Variants in ERBB4 observed in about 807,000 individuals in gnomAD.
The protein encoded by ERBB4 is erb-b2 receptor tyrosine kinase 4.
A neutral mutation model predicts 158.0 loss-of-function variants in ERBB4; 42 were observed. The observed-to-expected ratio is 0.27, with a 90% CI of 0.21 to 0.34. The LOEUF (loss-of-function observed/expected upper bound fraction) is 0.34. Among genes scored for constraint, ERBB4 ranks in the 10% least tolerant of loss-of-function variants. The pLI is 1.00. For missense variants in ERBB4, 1,333 were observed against 1,624.1 expected (o/e 0.82, Z 3.08); for synonymous variants, 583 against 558.7 (o/e 1.04, Z -0.61).
At chr2:212,383,505 T>C (rs2090578847) in intron 1 of ERBB4, among the ~76,000 whole-genome samples, 1 of 151,648 alleles carries the variant, frequency 6.6e-6, no homozygotes, top group Non-Finnish European at 1.5e-5. Context: ...GTAAATCTTT[T>C]AAACAATTAT....
At position 211,850,375 on chromosome 2, in the gene ERBB4, T is replaced by C. The variant is rs1048870529; in HGVS notation, c.422-62216A>G. 2.6e-5 allele frequency among the ~76,000 whole-genome samples: 4 copies of C among 151,872 alleles called. No homozygotes were observed. The South Asian group carries it at 8.3e-4, about 31-fold the overall frequency. On this transcript the variant is annotated intron_variant, in intron 3 of 27. Transcript: ENST00000342788. ...ACATATTCAACATATATGTAGTGTATATATATGTTGAATAATTTTTCAACT... is the reference window on the plus strand; with the variant it reads ...ACATATTCAACATATATGTAGTGTACATATATGTTGAATAATTTTTCAACT...
intron 3 of ERBB4, among the ~76,000 whole-genome samples, chr2:211,821,271 A>C (rs1054536074): frequency 1.5e-4 from 23 of 151,862 alleles, no homozygotes; most frequent in Admixed American, 2.0e-4. Flanking sequence ...TACAATAGCT[A>C]CTAGAAAAAT....
At chr2:212,441,990 G>C (rs773779456) in intron 1 of ERBB4, among the ~76,000 whole-genome samples, 1 of 152,170 alleles carries the variant, frequency 6.6e-6, no homozygotes, top group Non-Finnish European at 1.5e-5. Flanking sequence ...TCAGATCTAA[G>C]AGTGGGAACC....
chr2:211,442,341 T>C (rs566001226), intron 20 of ERBB4, among the ~76,000 whole-genome samples: 1 of 152,204 alleles, frequency 6.6e-6, no homozygotes, highest in South Asian at 2.1e-4. Context: ...ATTGGGTCAC[T>C]CTACAACATA....
intron 22 of ERBB4, among the ~76,000 whole-genome samples, chr2:211,425,686 T>C (rs961933404): frequency 2.6e-5 from 4 of 152,032 alleles, no homozygotes; most frequent in African/African-American, 9.7e-5. Flanking sequence ...TTTAGAATTA[T>C]CTATTTTGTA....
intron 25 of ERBB4, among the ~76,000 whole-genome samples, chr2:211,411,492 A>G (rs1338983608): frequency 6.6e-6 from 1 of 152,220 alleles, no homozygotes; most frequent in African/African-American, 2.4e-5. Flanking sequence ...AATCTATAAT[A>G]CATAAGGAGA....
intron 1 of ERBB4, among the ~76,000 whole-genome samples, chr2:212,307,457 T>C (rs2086852403): frequency 6.6e-6 from 1 of 151,240 alleles, no homozygotes; most frequent in Admixed American, 6.6e-5. Flanking sequence ...TATTCAATAC[T>C]AGTTATAAAA....
At position 212,221,454 on chromosome 2, in the gene ERBB4, T is replaced by C. The variant is rs1027866726; in HGVS notation, c.83-96551A>G. Among the ~76,000 whole-genome samples the C allele has an allele frequency of 7.3e-5, 11 of 151,610 alleles. 1 individual carries two copies. The highest frequency in any genetic ancestry group is 7.2e-4 in the Admixed American group (11 of 15,174). ...TAAGGTATAGGTATCAGTCACCTAA[T>C]GGTATGGCAGCAGTCAGGTTTGGGA... On this transcript the variant is annotated intron_variant, in intron 1 of 27. Transcript: ENST00000342788.
chr2:211,951,320 T>C (rs2080869377), intron 2 of ERBB4, among the ~76,000 whole-genome samples: 1 of 152,126 alleles, frequency 6.6e-6, no homozygotes, highest in South Asian at 2.1e-4. Flanking sequence ...TTAATAGTAA[T>C]TTTTCAGTGT....
At chr2:212,080,963 G>A (rs2078425138) in intron 2 of ERBB4, among the ~76,000 whole-genome samples, 3 of 152,082 alleles carry the variant, frequency 2.0e-5, no homozygotes, top group African/African-American at 4.8e-5. Context: ...AATATTATTT[G>A]GAACATTCTT....
At chr2:212,057,773 T>A (rs2077627256) in intron 2 of ERBB4, among the ~76,000 whole-genome samples, 1 of 152,130 alleles carries the variant, frequency 6.6e-6, no homozygotes, top group African/African-American at 2.4e-5. Context: ...TGGGACACAT[T>A]CAAAGCAGTG....
At chr2:212,313,148 C>A (rs1251941193) in intron 1 of ERBB4, among the ~76,000 whole-genome samples, 1 of 150,616 alleles carries the variant, frequency 6.6e-6, no homozygotes, top group Non-Finnish European at 1.5e-5. Flanking sequence ...ATGTTATATA[C>A]CAAAGTGTTC....
rs574395837 is a variant in ERBB4 at position 212,292,494 on chromosome 2, T to TA, written c.83-167592dup. Among the ~76,000 whole-genome samples the TA allele has an allele frequency of 7.4e-4, 113 of 151,968 alleles. 1 individual carries two copies. Among genetic ancestry groups the TA allele is most frequent in the Non-Finnish European group, 1.3e-3 (91 of 67,912 alleles). The stretch of plus-strand genomic sequence containing the variant: ...GTACCTTTAGTGATATAATTATAGA[T>TA]AAAAAATAGTAATGACATAATCAAG... On this transcript the variant is annotated intron_variant, in intron 1 of 27. Transcript: ENST00000342788.
chr2:211,960,385 A>T (rs528142384), intron 2 of ERBB4, among the ~76,000 whole-genome samples: 1 of 152,266 alleles, frequency 6.6e-6, no homozygotes, highest in Admixed American at 6.6e-5. Context: ...CGAGTTCATA[A>T]TAATATTCAA....
At chr2:211,718,117 G>A (rs1004307097) in intron 7 of ERBB4, among the ~76,000 whole-genome samples, 3 of 152,020 alleles carry the variant, frequency 2.0e-5, no homozygotes, top group African/African-American at 7.2e-5. Flanking sequence ...TCACTATGTT[G>A]GCCAGGCTGG....
At chr2:212,215,661 A>T (rs554583067) in intron 1 of ERBB4, among the ~76,000 whole-genome samples, 1 of 151,526 alleles carries the variant, frequency 6.6e-6, no homozygotes, top group East Asian at 1.9e-4. Context: ...ATTACTTATT[A>T]TCAAGCTGTG....
At chr2:212,116,595 G>A (rs1173153036) in intron 2 of ERBB4, among the ~76,000 whole-genome samples, 2 of 152,082 alleles carry the variant, frequency 1.3e-5, no homozygotes, top group African/African-American at 4.8e-5. Flanking sequence ...TTACAGGCAT[G>A]TGCCGCCACA....
chr2:212,393,190 T>A (rs1350319842), intron 1 of ERBB4, among the ~76,000 whole-genome samples: 1 of 152,060 alleles, frequency 6.6e-6, no homozygotes, highest in Admixed American at 6.6e-5. Context: ...CAAACTAAAG[T>A]GTCTTTGGGT....
chr2:211,392,602 C>CACA (rs1559122679), intron 25 of ERBB4, among the ~76,000 whole-genome samples: 3 of 121,756 alleles, frequency 2.5e-5, no homozygotes, highest in Non-Finnish European at 3.6e-5. Context: ...ACACACACAC[C>CACA]CCAATAATGA....
Sources: allele counts gnomAD v4.1 joint callset (sites outside exome capture counted in the v4.1 genomes callset), GRCh38; gene constraint gnomAD v4.1.1; transcripts MANE v1.5; gene names NCBI Gene and HGNC (gene_info 2026-07-23, HGNC 2026-07-21).